Variants in AGMO observed in about 807,000 individuals in gnomAD.
The protein encoded by AGMO is glyceryl-ether monooxygenase.
In AGMO, 75 loss-of-function variants were observed where a neutral mutation model predicts 60.2. The observed-to-expected ratio is 1.25, with a 90% CI of 1.03 to 1.51. The LOEUF (loss-of-function observed/expected upper bound fraction) is 1.51, where lower values mean the gene tolerates loss of function less well. AGMO is among the 40% of genes most tolerant of loss of function. The pLI is 0.00. For synonymous variants in AGMO, 261 were observed against 177.1 expected, an observed-to-expected ratio of 1.47 and a Z score of -3.76; for missense variants, 763 against 525.5, an observed-to-expected ratio of 1.45 and a Z score of -4.42.
chr7:15,443,559 C>T (rs767523484), intron 3 of AGMO, among the ~76,000 whole-genome samples: 7 of 152,148 alleles, frequency 4.6e-5, no homozygotes, highest in Non-Finnish European at 2.9e-5. Flanking sequence ...AACTACTTCC[C>T]TAGATTGATG....
intron 3 of AGMO, among the ~76,000 whole-genome samples, chr7:15,508,833 A>C (rs1279900320): frequency 6.6e-6 from 1 of 152,202 alleles, no homozygotes; most frequent in Non-Finnish European, 1.5e-5. Context: ...TAATGTATGG[A>C]TATTTAACAC....
intron 3 of AGMO, among the ~76,000 whole-genome samples, chr7:15,449,772 A>G (rs1467136902): frequency 6.6e-6 from 1 of 152,212 alleles, no homozygotes; most frequent in Non-Finnish European, 1.5e-5. Flanking sequence ...TAAAAGTACT[A>G]CTTATTTTTT....
In AGMO at chr7:15,385,633, G is replaced by A. The variant is rs188246844; in HGVS notation, c.958-71C>T. 1.0e-3 allele frequency: 858 copies of A among 857,878 alleles called. 7 individuals are homozygous for A. The highest frequency in any genetic ancestry group is 7.5e-3 in the East Asian group (297 of 39,546). 53.1% of individuals were successfully genotyped at this position (857,878 alleles called of 1,614,324 possible). A position where few individuals can be genotyped will look rare whatever the true frequency, so the allele number is the denominator to read the frequency against. ...TTTCTTACTGAAATTCACACTAAGA[G>A]ATATTTGAAAAAAGTATCTGCTATT... On this transcript the variant is annotated intron_variant, in intron 9 of 12. Transcript: ENST00000342526.
chr7:15,273,515 G>C (rs980218727), intron 12 of AGMO, among the ~76,000 whole-genome samples: 2 of 152,108 alleles, frequency 1.3e-5, no homozygotes, highest in Non-Finnish European at 2.9e-5. Flanking sequence ...TGCTGTTTTG[G>C]TTACTGTAGC....
At chr7:15,283,199 G>A (rs1784014694) in intron 12 of AGMO, among the ~76,000 whole-genome samples, 1 of 151,860 alleles carries the variant, frequency 6.6e-6, no homozygotes, top group Admixed American at 6.6e-5. Flanking sequence ...AAAGTATCTA[G>A]ATAACATTTT....
chr7:15,359,150 A>G (rs1193229188), intron 12 of AGMO, among the ~76,000 whole-genome samples: 3 of 151,970 alleles, frequency 2.0e-5, no homozygotes, highest in African/African-American at 7.3e-5. Flanking sequence ...TTAGCTGGGC[A>G]TGGTGGCAGG....
chr7:15,271,303 G>A (rs556010920), intron 12 of AGMO, among the ~76,000 whole-genome samples: 11 of 152,122 alleles, frequency 7.2e-5, no homozygotes, highest in African/African-American at 2.2e-4. Flanking sequence ...CCCATCATAT[G>A]GGATATTTTT....
chr7:15,186,546 A>T, the AGMO span, among the ~76,000 whole-genome samples: 7 of 152,148 alleles, frequency 4.6e-5, no homozygotes, highest in Non-Finnish European at 8.8e-5. Flanking sequence ...AAAACCACCC[A>T]ACTTAGGCTC....
chr7:15,395,021 G>T (rs537758499), intron 5 of AGMO, among the ~76,000 whole-genome samples: 2 of 152,190 alleles, frequency 1.3e-5, no homozygotes, highest in Admixed American at 1.3e-4. Flanking sequence ...CAGCCCAGAT[G>T]TAAGACATTT....
chr7:15,357,365 C>A (rs907465334), intron 12 of AGMO, among the ~76,000 whole-genome samples: 3 of 151,982 alleles, frequency 2.0e-5, no homozygotes, highest in African/African-American at 7.3e-5. Flanking sequence ...TGACTTCAGA[C>A]AAACATTCTG....
the AGMO span, among the ~76,000 whole-genome samples, chr7:15,132,615 G>A: frequency 6.6e-6 from 1 of 152,114 alleles, no homozygotes; most frequent in South Asian, 2.1e-4. Context: ...TACAAGCAAA[G>A]TGGATTTAAC....
At chr7:15,561,442 A>G (rs1411601059) in intron 1 of AGMO, among the ~76,000 whole-genome samples, 1 of 152,228 alleles carries the variant, frequency 6.6e-6, no homozygotes, top group East Asian at 1.9e-4. Context: ...AGCTACATTT[A>G]CAATGCCATG....
intron 3 of AGMO, among the ~76,000 whole-genome samples, chr7:15,456,874 G>C (rs1459147087): frequency 1.3e-5 from 2 of 152,108 alleles, no homozygotes; most frequent in African/African-American, 4.8e-5. Flanking sequence ...TTTTGTTGCA[G>C]TACCTTCCAT....
chr7:15,191,299 A>C, the AGMO span, among the ~76,000 whole-genome samples: 1 of 152,196 alleles, frequency 6.6e-6, no homozygotes, highest in African/African-American at 2.4e-5. Flanking sequence ...ATGTGGGAAA[A>C]TATATGAACC....
At chr7:15,377,746 G>A (rs986574067) in intron 10 of AGMO, among the ~76,000 whole-genome samples, 1 of 152,106 alleles carries the variant, frequency 6.6e-6, no homozygotes, top group Admixed American at 6.5e-5. Flanking sequence ...CTCTATTAAT[G>A]ATGTAGATTT....
intron 12 of AGMO, among the ~76,000 whole-genome samples, chr7:15,312,859 G>C (rs1227434457): frequency 6.6e-6 from 1 of 151,986 alleles, no homozygotes; most frequent in Non-Finnish European, 1.5e-5. Flanking sequence ...AGTAAAGACA[G>C]GGTTTTGCCA....
chr7:15,393,858 G>C (rs1784252190), intron 6 of AGMO, among the ~76,000 whole-genome samples: 1 of 152,082 alleles, frequency 6.6e-6, no homozygotes, highest in African/African-American at 2.4e-5. Context: ...TACAACAGTG[G>C]AGCTAAGATT....
chr7:15,252,011 T>A (rs994164723), intron 12 of AGMO, among the ~76,000 whole-genome samples: 1 of 152,210 alleles, frequency 6.6e-6, no homozygotes, highest in African/African-American at 2.4e-5. Flanking sequence ...CAAGGGTCAT[T>A]ATTAGCATAG....
At chr7:15,269,513 G>A (rs915926490) in intron 12 of AGMO, among the ~76,000 whole-genome samples, 8 of 152,002 alleles carry the variant, frequency 5.3e-5, no homozygotes, top group Admixed American at 1.3e-4. Flanking sequence ...AGATAGGGGT[G>A]CATGAAAGGG....
Sources: allele counts gnomAD v4.1 joint callset (sites outside exome capture counted in the v4.1 genomes callset), GRCh38; gene constraint gnomAD v4.1.1; transcripts MANE v1.5; gene names NCBI Gene and HGNC (gene_info 2026-07-23, HGNC 2026-07-21).